Variants in LMF2 observed in about 807,000 individuals in gnomAD.
LMF2 encodes transmembrane protein 112B.
In LMF2, 113 loss-of-function variants were observed where a neutral mutation model predicts 81.5. That is an observed-to-expected ratio of 1.39 (90% CI 1.19 to 1.62). LMF2 has a LOEUF of 1.62. LMF2 is among the 40% of genes most tolerant of loss of function. The pLI is 0.00. For synonymous variants in LMF2, 645 were observed against 424.5 expected, an observed-to-expected ratio of 1.52 and a Z score of -6.39; for missense variants, 1,235 against 929.1, an observed-to-expected ratio of 1.33 and a Z score of -4.28.
At chr22:50,504,510 A>AGG in intron 11 of LMF2, 49 bp downstream of exon 11, 4 of 488,380 alleles carry the variant, frequency 8.2e-6, no homozygotes, top group East Asian at 7.3e-5. Flanking sequence ...TCCCCTCCCC[A>AGG]CCCCGCTCCA....
chr22:50,503,531 G>A lies in LMF2; in HGVS notation c.1984C>T (p.Arg662Trp), dbSNP rs199683816. Residue 662 changes from arginine to tryptophan, a missense_variant, in exon 14 of 14, where the codon CGG becomes TGG. Physicochemically the swap from Arg to Trp is moderately radical, Grantham distance 101. Coordinates refer to ENST00000474879, the MANE Select transcript of LMF2 (RefSeq NM_033200.3). ...CTGACTGGTGCCAGCGGGGAGGACC[G>A]GAGAGAACAGGGTGCTAGCAGGGCT... ...VQALLAPCSLRSSPLAPVSGE... is the reference protein window; with the variant it reads ...VQALLAPCSLWSSPLAPVSGE... The A allele has an allele frequency of 1.3e-4, 203 of 1,568,564 alleles. 2 individuals are homozygous for A. The highest frequency in any genetic ancestry group is 9.9e-4 in the South Asian group (85 of 85,452).
chr22:50,506,186 C>T lies in LMF2; in HGVS notation c.623G>A (p.Cys208Tyr). The change falls in exon 5 of 14, where the codon TGC (cysteine) becomes TAC (tyrosine). Residue 208 changes from cysteine (C) to tyrosine (Y), a missense_variant. Cys to Tyr is a radical substitution (Grantham distance 194, BLOSUM62 -2). Transcript: ENST00000474879. Reference protein sequence around the residue: ...TALTYHYETQCLPTPAAWFAH... With the variant: ...TALTYHYETQYLPTPAAWFAH... ...GAACCAGGCGGCGGGCGTGGGCAGG[C>T]ACTGGGTCTCGTAGTGGTAGGTGAG... 6.4e-7 allele frequency: 1 copy of T among 1,560,596 alleles called. No individual in the cohort carries two copies. The highest frequency in any genetic ancestry group is 8.7e-7 in the Non-Finnish European group (1 of 1,152,458).
rs754764742 is a variant in LMF2 at position 50,503,913 on chromosome 22, G to A, written c.1719-9C>T. ...GGCGCCGCCACCACTGGCTGCAGCA[G>A]GACCCGATGTTCAGAAGCTGGAGGC... On this transcript the variant is annotated splice_polypyrimidine_tract_variant and intron_variant, in intron 12 of 13. Coordinates refer to ENST00000474879, the MANE Select transcript of LMF2 (RefSeq NM_033200.3). The A allele has an allele frequency of 9.9e-5, 159 of 1,603,608 alleles. No individual in the cohort carries two copies. The highest frequency in any genetic ancestry group is 1.3e-4 in the Non-Finnish European group (155 of 1,179,082).
In LMF2 at chr22:50,507,667, G is replaced by A. The variant is rs751923374; in HGVS notation, c.9C>T (p.Gly3=). The part of the protein sequence containing the change: MA[G]SRLPRQLFLQ... ...GGAAGAGCTGCCGCGGGAGCCGGGA[G>A]CCCGCCATGTCCGCTACGCGGCCCG... Residue 3 remains glycine, a synonymous_variant, in exon 1 of 14, where the codon GGC becomes GGT. Coordinates refer to ENST00000474879, the MANE Select transcript of LMF2 (RefSeq NM_033200.3). The A allele has an allele frequency of 3.4e-5, 53 of 1,549,330 alleles. No homozygotes were observed. Among genetic ancestry groups the A allele is most frequent in the East Asian group, 2.4e-4 (10 of 40,916 alleles).
At position 50,503,579 on chromosome 22, in the gene LMF2, C is replaced by T. The variant is rs549565142; in HGVS notation, c.1936G>A (p.Val646Met). 3.9e-5 allele frequency: 60 copies of T among 1,541,362 alleles called. No homozygotes were observed. Among genetic ancestry groups the T allele is most frequent in the South Asian group, 4.9e-5 (4 of 81,328 alleles). The stretch of plus-strand genomic sequence containing the variant: ...GCTTGCACAAATCTGACAGCCCCCA[C>T]GGCCATGAGGAGCCCCCAGAGCAGG... ...PALLWGLLMA[V>M]GAVRFVQALL... Residue 646 changes from valine (V) to methionine (M), a missense_variant, in exon 14 of 14, where the codon GTG becomes ATG. By Grantham distance (21) the Val-to-Met change is conservative. Coordinates refer to ENST00000474879, the MANE Select transcript of LMF2 (RefSeq NM_033200.3).
rs764459260 is a variant in LMF2 at position 50,506,630 on chromosome 22, T to C, written c.377+8A>G. ...CCTCCCACAGCCCCAGGCCCAGCCG[T>C]CACTCACCACTGGAAATAAAGGAAC... On this transcript the variant is annotated splice_region_variant and intron_variant, in intron 3 of 13. Transcript: ENST00000474879. 3.1e-6 allele frequency: 5 copies of C among 1,612,020 alleles called. No homozygotes were observed. In the Admixed American group the frequency reaches 6.7e-5, roughly 22 times the overall value.
chr22:50,507,022 G>A lies in LMF2; in HGVS notation c.108C>T (p.Pro36=), dbSNP rs753381328. ...TCCTCCTTGCAGGTAGGATGCCCTC[G>A]GGGCCATACAGGCCTGTGGGAGGGC... The part of the protein sequence containing the change: ...LYTQIPGLYG[P]EGILPARRTL... The change falls in exon 2 of 14, where the codon CCC becomes CCT. Residue 36 remains proline, a synonymous_variant. Coordinates refer to ENST00000474879, the MANE Select transcript of LMF2 (RefSeq NM_033200.3). 9 of 1,595,116 alleles carry A rather than the reference G, an allele frequency of 5.6e-6. No individual in the cohort carries two copies. The Admixed American group carries it at 8.4e-5, about 15-fold the overall frequency.
rs372322859 is a variant in LMF2 at position 50,505,292 on chromosome 22, G to C, written c.1094C>G (p.Thr365Arg). 2.5e-6 allele frequency: 4 copies of C among 1,613,318 alleles called. No homozygotes were observed. Among genetic ancestry groups the C allele is most frequent in the Non-Finnish European group, 2.5e-6 (3 of 1,180,024 alleles). Residue 365 changes from threonine to arginine, a missense_variant, in exon 8 of 14, where the codon ACG (threonine) becomes AGG (arginine). Physicochemically the swap from Thr to Arg is moderately conservative, Grantham distance 71. Transcript: ENST00000474879. ...CACACCCAGCCACACAGTGGGCAGC[G>C]TCAGTGTCTTCAGCCACTGAGAAAA... is the stretch of plus-strand genomic sequence containing the variant. ...HQFSQWLKTL[T>R]LPTVWLGVAS...
intron 7 of LMF2, 27 bp from the exon 8 acceptor site, chr22:50,505,361 T>G: frequency 6.2e-7 from 1 of 1,613,206 alleles, no homozygotes; most frequent in Non-Finnish European, 8.5e-7. Flanking sequence ...GTGTGAGGAC[T>G]GGTCCGCCCC....
chr22:50,505,992 G>A (rs553530860), intron 5 of LMF2, 43 bp downstream of exon 5: 30 of 1,564,844 alleles, frequency 1.9e-5, no homozygotes, highest in South Asian at 1.4e-4. Flanking sequence ...GCTGAAGGCC[G>A]AGCCCTGTCT....
Position 50,505,764 on chromosome 22 carries a change from G to C in LMF2, c.826C>G (p.Leu276Val). The stretch of plus-strand genomic sequence containing the variant: ...GCAGTGGTAAGCACCAGCGTCATCA[G>C]GTTGAAGAAGTTGTAGTTGCCGGTG... ...IITGNYNFFN[L>V]MTLVLTTALL... Residue 276 changes from leucine (L) to valine (V), a missense_variant, in exon 6 of 14, where the codon CTG (leucine) becomes GTG (valine). Transcript: ENST00000474879. The C allele has an allele frequency of 1.2e-6, 2 of 1,613,286 alleles. No individual in the cohort carries two copies. Among genetic ancestry groups the C allele is most frequent in the South Asian group, 1.1e-5 (1 of 91,090 alleles).
rs374447026 is a variant in LMF2, at chr22:50,505,669, C to T, written c.916+5G>A. Reference sequence around the variant, plus strand: ...AGGGCAGGGGGCTGGACAAGTGACACGCACAGGTGGCCGTCTTCTTGCGGC... The same window carrying T: ...AGGGCAGGGGGCTGGACAAGTGACATGCACAGGTGGCCGTCTTCTTGCGGC... On this transcript the variant is annotated splice_donor_5th_base_variant and intron_variant, in intron 6 of 13. Coordinates refer to ENST00000474879, the MANE Select transcript of LMF2 (RefSeq NM_033200.3). 1.1e-5 allele frequency: 17 copies of T among 1,612,558 alleles called. No individual in the cohort carries two copies. Among genetic ancestry groups the T allele is most frequent in the Middle Eastern group, 1.6e-4 (1 of 6,076 alleles).
Position 50,503,351 on chromosome 22 carries a change from C to G in LMF2, c.*40G>C. Reference sequence around the variant, plus strand: ...CTGCCGGAGGCCAGAGCACTCCCGGCGACCTGGCCCTCTCAGGACGTGCAG... The same window carrying G: ...CTGCCGGAGGCCAGAGCACTCCCGGGGACCTGGCCCTCTCAGGACGTGCAG... On this transcript the variant is annotated 3_prime_UTR_variant, in exon 14 of 14. Transcript: ENST00000474879. The G allele has an allele frequency of 6.2e-7, 1 of 1,601,830 alleles. No homozygotes were observed. Among genetic ancestry groups the G allele is most frequent in the Non-Finnish European group, 8.5e-7 (1 of 1,174,764 alleles).
At chr22:50,505,585 G>T in intron 6 of LMF2, 48 bp from the exon 7 acceptor site, 1 of 1,611,832 alleles carries the variant, frequency 6.2e-7, no homozygotes, top group Non-Finnish European at 8.5e-7. Flanking sequence ...CCAGCCAGGG[G>T]GCTGGGGTGC....
At chr22:50,504,506 C>CA in intron 11 of LMF2, 53 bp downstream of exon 11, 1 of 1,436,308 alleles carries the variant, frequency 7.0e-7, no homozygotes, top group Non-Finnish European at 9.5e-7. Flanking sequence ...CCCCTCCCCT[C>CA]CCCACCCCGC....
In LMF2 at chr22:50,505,734, G is replaced by A. The variant is rs128941; in HGVS notation, c.856C>T (p.Leu286=). Residue 286 remains leucine, a synonymous_variant, in exon 6 of 14, where the codon CTG becomes TTG. Transcript: ENST00000474879. ...TCAGCAGCCAGGTGCTGGTCGTCCA[G>A]CAGCGCAGTGGTAAGCACCAGCGTC... ...LMTLVLTTAL[L]DDQHLAAEPG... is the part of the protein sequence containing the mutation. 0.6 allele frequency: 969,776 copies of A among 1,612,752 alleles called. 295,886 individuals carry two copies. Among genetic ancestry groups the A allele is most frequent in the East Asian group, 0.76 (34,231 of 44,868 alleles).
rs775053944 is a variant in LMF2 at position 50,507,011 on chromosome 22, A to T, written c.119T>A (p.Leu40Gln). ...IPGLYGPEGI[L>Q]PARRTLRPQG... ...AGGCCGCAGCGTCCTCCTTGCAGGTAGGATGCCCTCGGGGCCATACAGGCC... is the reference window on the plus strand; with the variant it reads ...AGGCCGCAGCGTCCTCCTTGCAGGTTGGATGCCCTCGGGGCCATACAGGCC... The change falls in exon 2 of 14, where the codon CTA becomes CAA. Residue 40 changes from leucine (L) to glutamine (Q), a missense_variant. Physicochemically the swap from Leu to Gln is moderately radical, Grantham distance 113 (BLOSUM62 -2). Transcript: ENST00000474879. 7.5e-6 allele frequency: 12 copies of T among 1,596,132 alleles called. No homozygotes were observed. Among genetic ancestry groups the T allele is most frequent in the Non-Finnish European group, 1.0e-5 (12 of 1,178,508 alleles).
At position 50,504,733 on chromosome 22, in the gene LMF2, A is replaced by T; in HGVS notation, c.1438-6T>A. ...TTGTACATGAACTCGATCTCCTGCC[A>T]GGCAGGCCGAGGTCAGCTGGGCCCG... is the stretch of plus-strand genomic sequence containing the variant. On this transcript the variant is annotated splice_polypyrimidine_tract_variant and splice_region_variant and intron_variant, in intron 10 of 13. Coordinates refer to ENST00000474879, the MANE Select transcript of LMF2 (RefSeq NM_033200.3). The T allele has an allele frequency of 6.2e-7, 1 of 1,609,092 alleles. No homozygotes were observed. Among genetic ancestry groups the T allele is most frequent in the Non-Finnish European group, 8.5e-7 (1 of 1,178,986 alleles).
At chr22:50,507,277 C>T (rs1167060379) in intron 1 of LMF2, 13 of 640,752 alleles carry the variant, frequency 2.0e-5, no homozygotes, top group Admixed American at 1.5e-4. Flanking sequence ...GAGCCCACTG[C>T]CCTCTTCCAG....
Sources: gnomAD v4.1 joint callset for allele counts on GRCh38, gnomAD v4.1.1 for gene constraint, MANE v1.5 for transcripts, NCBI Gene and HGNC (gene_info 2026-07-23, HGNC 2026-07-21) for gene names.